MCM8: variants seen among roughly 807,000 people sequenced by gnomAD.
MCM8 encodes the protein minichromosome maintenance 8 homologous recombination repair factor.
In MCM8, 85 loss-of-function variants were observed where a neutral mutation model predicts 98.9. That is an observed-to-expected ratio of 0.86 (90% CI 0.72 to 1.03). The LOEUF (loss-of-function observed/expected upper bound fraction) is 1.03, where lower values mean the gene tolerates loss of function less well. Among genes scored for constraint, MCM8 ranks in the 50% least tolerant of loss-of-function variants. The pLI, the probability that MCM8 is intolerant of heterozygous loss-of-function variation, is 0.00. For missense variants in MCM8, 951 were observed against 997.8 expected, an observed-to-expected ratio of 0.95 and a Z score of 0.63; for synonymous variants, 352 against 338.6, an observed-to-expected ratio of 1.04 and a Z score of -0.44.
rs1036331993 is a variant in MCM8, at chr20:5,950,953, C to T, written c.-76C>T. ...GGGAGGGAGGGAGAATCCGGCCGGA[C>T]AGATCTGCGCGTATCCTGGAGCCGG... is the stretch of plus-strand genomic sequence containing the variant. On this transcript the variant is annotated 5_prime_UTR_variant, in exon 1 of 19. Transcript: ENST00000610722. The T allele has an allele frequency of 3.3e-5, 5 of 152,274 alleles. No homozygotes were observed. The highest frequency in any genetic ancestry group is 1.2e-4 in the African/African-American group (5 of 41,430). The allele number at this position is 152,274 out of a possible 1,614,324, so 9.4% of individuals were successfully genotyped here. A position where few individuals can be genotyped will look rare whatever the true frequency, so the allele number is the denominator to read the frequency against.
At chr20:5,974,527 C>G (rs539539036) in intron 12 of MCM8, among the ~76,000 whole-genome samples, 1 of 152,306 alleles carries the variant, frequency 6.6e-6, no homozygotes, top group African/African-American at 2.4e-5. Context: ...TAGTATGGCT[C>G]CTAAATCTTT....
Position 5,978,026 on chromosome 20 carries a change from C to T in MCM8, c.1537+9C>T, listed in dbSNP as rs754171087. The T allele has an allele frequency of 1.2e-6, 2 of 1,613,894 alleles. No individual in the cohort carries two copies. The highest frequency in any genetic ancestry group is 2.2e-5 in the South Asian group (2 of 91,052). ...GGTACTTGGTGATCAAGGTGAGAGG[C>T]CAAAGGGAATAATTAGTGATTCTGG... On this transcript the variant is annotated intron_variant, in intron 13 of 18. Coordinates refer to ENST00000610722, the MANE Select transcript of MCM8 (RefSeq NM_032485.6).
chr20:5,960,888 T>C (rs1193366908), intron 7 of MCM8, among the ~76,000 whole-genome samples: 1 of 152,212 alleles, frequency 6.6e-6, no homozygotes, highest in African/African-American at 2.4e-5. Context: ...TGAGCCGAGA[T>C]CACGCCATTG....
At chr20:5,983,909 A>C (rs1422078466) in intron 14 of MCM8, among the ~76,000 whole-genome samples, 1 of 152,192 alleles carries the variant, frequency 6.6e-6, no homozygotes, top group Non-Finnish European at 1.5e-5. Flanking sequence ...AAACATTGGA[A>C]ACACCTTAAA....
chr20:5,956,038 A>G (rs1372227516), intron 5 of MCM8, among the ~76,000 whole-genome samples: 1 of 152,176 alleles, frequency 6.6e-6, no homozygotes, highest in African/African-American at 2.4e-5. Flanking sequence ...AAGTGCTAGG[A>G]TTACAGGCAT....
intron 17 of MCM8, among the ~76,000 whole-genome samples, chr20:5,987,774 G>A (rs2089762998): frequency 6.6e-6 from 1 of 151,858 alleles, no homozygotes; most frequent in Admixed American, 6.6e-5. Flanking sequence ...ATACTATATA[G>A]TATATTTGAT....
rs771764854 is a variant in MCM8 at position 5,957,112 on chromosome 20, T to G, written c.487-14T>G. The G allele has an allele frequency of 6.3e-7, 1 of 1,581,896 alleles. No individual in the cohort carries two copies. Among genetic ancestry groups the G allele is most frequent in the Non-Finnish European group, 8.7e-7 (1 of 1,153,496 alleles). On this transcript the variant is annotated splice_polypyrimidine_tract_variant and intron_variant, in intron 5 of 18. Coordinates refer to ENST00000610722, the MANE Select transcript of MCM8 (RefSeq NM_032485.6). ...TTGTTTTCCAACTTCAGAGTAAATG[T>G]CTGTCCTGTTTAGGTGTTAACTAAG...
rs1001692291 is a variant in MCM8, at chr20:5,952,645, G to C, written c.253+117G>C. On this transcript the variant is annotated intron_variant, in intron 3 of 18. Coordinates refer to ENST00000610722, the MANE Select transcript of MCM8 (RefSeq NM_032485.6). ...CTAACATATACCTGCTTTAATCTTA[G>C]TTCACCCAAACAATTAAATGATGTT... 9 of 816,560 alleles carry C rather than the reference G, an allele frequency of 1.1e-5. No individual in the cohort carries two copies. The African/African-American group carries it at 1.6e-4, about 14-fold the overall frequency. 50.6% of individuals were successfully genotyped at this position (816,560 alleles called of 1,614,324 possible).
At chr20:5,982,402 A>G (rs1187782899) in intron 13 of MCM8, among the ~76,000 whole-genome samples, 1 of 152,142 alleles carries the variant, frequency 6.6e-6, no homozygotes, top group Non-Finnish European at 1.5e-5. Context: ...ATTACGAGGT[A>G]ATGTTAGAGA....
Position 5,984,518 on chromosome 20 carries a change from G to A in MCM8, c.1734-263G>A, listed in dbSNP as rs542497511. Among the ~76,000 whole-genome samples, 10 of 152,264 alleles carry A rather than the reference G, an allele frequency of 6.6e-5. No homozygotes were observed. The East Asian group carries it at 1.7e-3, about 26-fold the overall frequency. Reference sequence around the variant, plus strand: ...GCAGTATTGCCAATTAGTGATAATAGGACATGAAGAATTCAGTGGGTTTGG... The same window carrying A: ...GCAGTATTGCCAATTAGTGATAATAAGACATGAAGAATTCAGTGGGTTTGG... On this transcript the variant is annotated intron_variant, in intron 14 of 18. Coordinates refer to ENST00000610722, the MANE Select transcript of MCM8 (RefSeq NM_032485.6).
At chr20:5,958,752 T>A (rs1406546152) in intron 7 of MCM8, 26 bp downstream of exon 7, 7 of 1,598,548 alleles carry the variant, frequency 4.4e-6, no homozygotes. Context: ...ACTGCTTCTT[T>A]ATTTATCTTG....
Position 5,973,131 on chromosome 20 carries a change from A to G in MCM8, c.1330A>G (p.Ile444Val), listed in dbSNP as rs373319946. 99 of 1,614,106 alleles carry G rather than the reference A, an allele frequency of 6.1e-5. No individual in the cohort carries two copies. The highest frequency in any genetic ancestry group is 2.7e-4 in the Admixed American group (16 of 60,010). The change falls in exon 12 of 19, where the codon ATT (isoleucine) becomes GTT (valine). Residue 444 changes from isoleucine to valine, a missense_variant. By Grantham distance (29) the Ile-to-Val change is conservative. Transcript: ENST00000610722. ...CGCAGATGACAAAAACAGAATTCCA[A>G]TTCGGGGAGACCCCCACATCCTTGT... The part of the protein sequence containing the change: ...KYADDKNRIP[I>V]RGDPHILVVG...
chr20:5,997,827 C>T lies in MCM8; in HGVS notation c.*3436C>T, dbSNP rs1442994735. Reference sequence around the variant, plus strand: ...TTGTTGCCCAAGCTGGTCTCAAACTCCAGGGCTTCCTGAGTAGCTGAGACT... The same window carrying T: ...TTGTTGCCCAAGCTGGTCTCAAACTTCAGGGCTTCCTGAGTAGCTGAGACT... On this transcript the variant is annotated 3_prime_UTR_variant, in exon 19 of 19. Coordinates refer to ENST00000610722, the MANE Select transcript of MCM8 (RefSeq NM_032485.6). The T allele has an allele frequency of 3.3e-5, 5 of 152,252 alleles. No homozygotes were observed. Among genetic ancestry groups the T allele is most frequent in the Non-Finnish European group, 7.3e-5 (5 of 68,080 alleles). The allele number at this position is 152,252 out of a possible 1,614,324, so 9.4% of individuals were successfully genotyped here. A position where few individuals can be genotyped will look rare whatever the true frequency, so the allele number is the denominator to read the frequency against.
At chr20:5,963,454 T>C in intron 8 of MCM8, 95 bp downstream of exon 8, 1 of 878,542 alleles carries the variant, frequency 1.1e-6, no homozygotes, top group African/African-American at 1.7e-5. Flanking sequence ...ACGTTTTATC[T>C]AAATGACAAA....
Position 5,967,580 on chromosome 20 carries a change from G to A in MCM8, c.1020G>A (p.Ala340=), listed in dbSNP as rs1422827505. 12 of 1,610,902 alleles carry A rather than the reference G, an allele frequency of 7.4e-6. No individual in the cohort carries two copies. In the South Asian group the frequency reaches 7.7e-5, roughly 10 times the overall value. The change falls in exon 9 of 19, where the codon GCG becomes GCA. Residue 340 remains alanine (A), a synonymous_variant. Coordinates refer to ENST00000610722, the MANE Select transcript of MCM8 (RefSeq NM_032485.6). ...TITGIVKVSN[A]EEGSRNKNDK... ...CTGGAATTGTCAAAGTCTCAAATGC[G>A]GAAGAAGGTAGGGTACAACTCTTTT...
At chr20:5,967,265 T>C (rs2089294820) in intron 8 of MCM8, among the ~76,000 whole-genome samples, 171 bp from the exon 9 acceptor site, 1 of 152,234 alleles carries the variant, frequency 6.6e-6, no homozygotes, top group African/African-American at 2.4e-5. Context: ...ATATGTTCAT[T>C]TGGCTATCTT....
intron 12 of MCM8, among the ~76,000 whole-genome samples, chr20:5,975,482 C>T (rs1382235924): frequency 6.7e-6 from 1 of 148,516 alleles, no homozygotes; most frequent in Non-Finnish European, 1.5e-5. Flanking sequence ...GTATATAAAA[C>T]TTCCTTTTTT....
chr20:5,973,065 G>A lies in MCM8; in HGVS notation c.1264G>A (p.Ala422Thr). Reference sequence around the variant, plus strand: ...TTTTTTCGCACTTGAGCTTGTTAAAGCAGGTTTGGCATTAGCACTCTTTGG... The same window carrying A: ...TTTTTTCGCACTTGAGCTTGTTAAAACAGGTTTGGCATTAGCACTCTTTGG... ...PVIFGHELVK[A>T]GLALALFGGS... Residue 422 changes from alanine to threonine, a missense_variant, in exon 12 of 19, where the codon GCA (alanine) becomes ACA (threonine). By Grantham distance (58) the Ala-to-Thr change is moderately conservative. Coordinates refer to ENST00000610722, the MANE Select transcript of MCM8 (RefSeq NM_032485.6). 1.9e-6 allele frequency: 3 copies of A among 1,613,980 alleles called. No individual in the cohort carries two copies. Among genetic ancestry groups the A allele is most frequent in the Non-Finnish European group, 2.5e-6 (3 of 1,179,880 alleles).
At chr20:5,989,120 C>CTTTTTTTTTTTTTTTTT (rs1172678780) in intron 17 of MCM8, among the ~76,000 whole-genome samples, 5 of 120,340 alleles carry the variant, frequency 4.2e-5, no homozygotes, top group Non-Finnish European at 6.5e-5. Flanking sequence ...TAGCGCAAGT[C>CTTTTTTTTTTTTTTTTT]TTTTTTTTTT....
Sources: allele counts gnomAD v4.1 joint callset (sites outside exome capture counted in the v4.1 genomes callset), GRCh38; gene constraint gnomAD v4.1.1; transcripts MANE v1.5; gene names NCBI Gene and HGNC (gene_info 2026-07-23, HGNC 2026-07-21).